MCTP1: variants seen among roughly 807,000 people sequenced by gnomAD.
The protein encoded by MCTP1 is multiple C2 and transmembrane domain-containing protein 1.
A neutral mutation model predicts 120.6 loss-of-function variants in MCTP1; 69 were observed. The observed-to-expected ratio is 0.57, with a 90% CI of 0.47 to 0.70. MCTP1 has a LOEUF of 0.70. Ranked by LOEUF, MCTP1 falls within the 30% of genes least tolerant of loss-of-function variation. MCTP1 has a pLI of 0.00. For missense variants in MCTP1, 1,203 were observed against 1,248.8 expected (o/e 0.96, Z 0.55); for synonymous variants, 529 against 493.1 (o/e 1.07, Z -0.96).
chr5:94,771,080 G>C (rs143110210), intron 19 of MCTP1, among the ~76,000 whole-genome samples: 1 of 152,116 alleles, frequency 6.6e-6, no homozygotes, highest in African/African-American at 2.4e-5. Context: ...GTAGAAGCTT[G>C]CTTTGGAATT....
Position 94,953,320 on chromosome 5 carries a change from C to T in MCTP1, c.880G>A (p.Glu294Lys). The T allele has an allele frequency of 6.2e-7, 1 of 1,610,514 alleles. No homozygotes were observed. Among genetic ancestry groups the T allele is most frequent in the Non-Finnish European group, 8.5e-7 (1 of 1,178,064 alleles). ...TGTATTATCTTACTTCTAAAAACTT[C>T]TTTTCCTCCGATTTTAAACTTCACA... Reference protein sequence around the residue: ...PYVKFKIGGKEVFRSKIIHKN... With the variant: ...PYVKFKIGGKKVFRSKIIHKN... The change falls in exon 3 of 23, where the codon GAA becomes AAA. Residue 294 changes from glutamate to lysine, a missense_variant. Physicochemically the swap from Glu to Lys is moderately conservative, Grantham distance 56. This residue lies in a region of MCTP1 where 740 missense variants were observed against 871.1 expected (regional missense o/e 0.85). Transcript: ENST00000515393.
intron 19 of MCTP1, among the ~76,000 whole-genome samples, chr5:94,739,729 A>G (rs1383029299): frequency 6.6e-6 from 1 of 152,152 alleles, no homozygotes; most frequent in Non-Finnish European, 1.5e-5. Context: ...CAATGGCATG[A>G]TCTCAGCCCA....
intron 17 of MCTP1, among the ~76,000 whole-genome samples, chr5:94,860,727 A>T (rs1561763338): frequency 6.6e-6 from 1 of 151,498 alleles, no homozygotes; most frequent in Non-Finnish European, 1.5e-5. Context: ...CCAAGGGGGT[A>T]AAAACTGGTT....
At chr5:95,122,358 CAAAA>C (rs1452838042) in intron 1 of MCTP1, among the ~76,000 whole-genome samples, 1 of 152,062 alleles carries the variant, frequency 6.6e-6, no homozygotes, top group Non-Finnish European at 1.5e-5. Context: ...AAACATGTCT[CAAAA>C]GAAGACATAA....
At chr5:95,225,098 T>C (rs1754112522) in intron 1 of MCTP1, among the ~76,000 whole-genome samples, 1 of 152,112 alleles carries the variant, frequency 6.6e-6, no homozygotes. Context: ...AATAAATTTC[T>C]CATCATTTCT....
intron 1 of MCTP1, among the ~76,000 whole-genome samples, chr5:95,238,627 A>G (rs1755819441): frequency 6.6e-6 from 1 of 152,186 alleles, no homozygotes; most frequent in Non-Finnish European, 1.5e-5. Context: ...GAAAAGCAGA[A>G]CTGCCGTCAC....
intron 19 of MCTP1, among the ~76,000 whole-genome samples, chr5:94,753,816 T>G (rs1769091128): frequency 6.6e-6 from 1 of 152,228 alleles, no homozygotes; most frequent in African/African-American, 2.4e-5. Flanking sequence ...AAATTATACT[T>G]CAGGTAGACT....
In MCTP1 at chr5:94,994,614, T is replaced by C. The variant is rs544169002; in HGVS notation, c.838+22753A>G. ...AGTGATTATCTGTAGTGTGTGTATGTTGAGGGGTGTGATGGTTAATACTGA... is the reference window on the plus strand; with the variant it reads ...AGTGATTATCTGTAGTGTGTGTATGCTGAGGGGTGTGATGGTTAATACTGA... On this transcript the variant is annotated intron_variant, in intron 2 of 22. Coordinates refer to ENST00000515393, the MANE Select transcript of MCTP1 (RefSeq NM_024717.7). Among the ~76,000 whole-genome samples the C allele has an allele frequency of 5.4e-4, 82 of 152,252 alleles. 1 individual carries two copies. In the South Asian group the frequency reaches 0.012, roughly 23 times the overall value.
intron 3 of MCTP1, among the ~76,000 whole-genome samples, chr5:94,951,590 A>G (rs984764786): frequency 6.6e-6 from 1 of 152,158 alleles, no homozygotes; most frequent in African/African-American, 2.4e-5. Context: ...CCATTGCTCT[A>G]ACTCATGTCT....
intron 17 of MCTP1, among the ~76,000 whole-genome samples, chr5:94,812,295 A>G (rs1353524810): frequency 1.3e-5 from 2 of 152,114 alleles, no homozygotes; most frequent in Non-Finnish European, 2.9e-5. Flanking sequence ...ACTTTGCTCA[A>G]TCTTTTAAAT....
At chr5:95,061,964 C>G (rs968803061) in intron 1 of MCTP1, among the ~76,000 whole-genome samples, 1 of 152,134 alleles carries the variant, frequency 6.6e-6, no homozygotes, top group South Asian at 2.1e-4. Flanking sequence ...GACTCTGGAG[C>G]CTGTGTACTT....
chr5:94,896,747 G>A (rs1294476425), intron 10 of MCTP1, among the ~76,000 whole-genome samples: 1 of 152,168 alleles, frequency 6.6e-6, no homozygotes, highest in Admixed American at 6.5e-5. Flanking sequence ...CAGGGTAAAT[G>A]TCCTCTGAAT....
chr5:95,246,987 T>C (rs565357827), intron 1 of MCTP1, among the ~76,000 whole-genome samples: 234 of 152,300 alleles, frequency 1.5e-3, no homozygotes, highest in African/African-American at 5.4e-3. Flanking sequence ...TCTTTGTACC[T>C]CTGGTAGAAT....
At chr5:95,169,858 T>C (rs1562202865) in intron 1 of MCTP1, among the ~76,000 whole-genome samples, 5 of 152,240 alleles carry the variant, frequency 3.3e-5, no homozygotes, top group South Asian at 2.1e-4. Flanking sequence ...CCTGAATTCA[T>C]TGATTTTTTT....
At chr5:95,172,590 AT>A (rs61349080) in intron 1 of MCTP1, among the ~76,000 whole-genome samples, 472 of 150,516 alleles carry the variant, frequency 3.1e-3, no homozygotes, top group African/African-American at 0.01. Context: ...ATATCAAACT[AT>A]TTTTTTTTTG....
chr5:94,724,623 A>G (rs1432680159), intron 19 of MCTP1, among the ~76,000 whole-genome samples: 1 of 152,150 alleles, frequency 6.6e-6, no homozygotes, highest in Non-Finnish European at 1.5e-5. Context: ...GATTTGACCA[A>G]TGGGTTACAT....
At chr5:95,058,548 T>G (rs895985009) in intron 1 of MCTP1, among the ~76,000 whole-genome samples, 1 of 152,226 alleles carries the variant, frequency 6.6e-6, no homozygotes. Context: ...TTTCCAGAAC[T>G]GTTACGGGGT....
chr5:95,120,896 C>A (rs1438392147), intron 1 of MCTP1, among the ~76,000 whole-genome samples: 1 of 152,118 alleles, frequency 6.6e-6, no homozygotes, highest in Non-Finnish European at 1.5e-5. Flanking sequence ...GTCAAATTAT[C>A]CCTGTTTGCA....
chr5:94,911,738 A>G (rs547461795), intron 9 of MCTP1, among the ~76,000 whole-genome samples: 2 of 152,300 alleles, frequency 1.3e-5, no homozygotes, highest in South Asian at 4.1e-4. Context: ...AAATATAGTT[A>G]TGACTACTAG....
Sources: allele counts gnomAD v4.1 joint callset (sites outside exome capture counted in the v4.1 genomes callset), GRCh38; gene constraint gnomAD v4.1.1; regional missense constraint gnomAD v4.1.1; transcripts MANE v1.5; gene names NCBI Gene and HGNC (gene_info 2026-07-23, HGNC 2026-07-21).